The following IRAG2 variants were observed in gnomAD, a reference collection of about 807,000 sequenced individuals.
IRAG2 encodes the protein inositol 1,4,5-triphosphate receptor associated 2, also known as lymphoid restricted membrane protein.
IRAG2 carries 45 observed loss-of-function variants against 69.9 expected under a neutral mutation model. That is an observed-to-expected ratio of 0.64 (90% CI 0.51 to 0.83). The LOEUF (loss-of-function observed/expected upper bound fraction) is 0.83, where lower values mean the gene tolerates loss of function less well. Ranked by LOEUF, IRAG2 falls within the 40% of genes least tolerant of loss-of-function variation. The pLI, the probability that IRAG2 is intolerant of heterozygous loss-of-function variation, is 0.00. For missense variants in IRAG2, 520 were observed against 587.0 expected (o/e 0.89, Z 1.18); for synonymous variants, 193 against 202.4 (o/e 0.95, Z 0.40).
intron 9 of IRAG2, among the ~76,000 whole-genome samples, chr12:25,081,970 C>T (rs546190647): frequency 2.0e-5 from 3 of 152,286 alleles, no homozygotes; most frequent in African/African-American, 7.2e-5. Flanking sequence ...TCATAGCTCA[C>T]TGCAGCCTCA....
chr12:25,066,210 C>T (rs1355291273), intron 4 of IRAG2, among the ~76,000 whole-genome samples, 155 bp from the exon 5 acceptor site: 1 of 152,096 alleles, frequency 6.6e-6, no homozygotes, highest in Non-Finnish European at 1.5e-5. Flanking sequence ...TTTTTACCCT[C>T]TGTGATTAGG....
At chr12:25,046,375 T>A (rs1021668538) in intron 16 of IRAG2, among the ~76,000 whole-genome samples, 4 of 151,496 alleles carry the variant, frequency 2.6e-5, no homozygotes, top group Admixed American at 6.6e-5. Flanking sequence ...GAAAAAAAAA[T>A]AAAAGGCATA....
At chr12:25,009,915 G>C (rs1297343549) in intron 2 of IRAG2, among the ~76,000 whole-genome samples, 1 of 152,192 alleles carries the variant, frequency 6.6e-6, no homozygotes. Context: ...CAACTGGTTG[G>C]ATGAGGCCCA....
At chr12:25,069,529 G>C (rs747640081) in intron 6 of IRAG2, 98 bp downstream of exon 6, 21 of 1,092,730 alleles carry the variant, frequency 1.9e-5, no homozygotes, top group Non-Finnish European at 2.9e-5. Flanking sequence ...TATTTTTTAA[G>C]TATTATGGAT....
At chr12:25,026,727 T>C (rs1447144804) in intron 8 of IRAG2, 4 of 789,198 alleles carry the variant, frequency 5.1e-6, no homozygotes, top group Non-Finnish European at 6.9e-6. Flanking sequence ...AAAGAGACTT[T>C]GTTTGTCCTC....
intron 9 of IRAG2, among the ~76,000 whole-genome samples, chr12:25,027,374 A>G (rs948460391): frequency 6.7e-6 from 1 of 149,010 alleles, no homozygotes; most frequent in African/African-American, 2.5e-5. Flanking sequence ...ATGATATAGC[A>G]TGTATTACTA....
chr12:25,054,440 C>T (rs774748963), intron 1 of IRAG2, among the ~76,000 whole-genome samples: 2 of 152,050 alleles, frequency 1.3e-5, no homozygotes, highest in Non-Finnish European at 2.9e-5. Flanking sequence ...GAATTTGTTC[C>T]CCTTCCTCAC....
upstream of IRAG2, among the ~76,000 whole-genome samples, chr12:25,000,411 C>T (rs571846553): frequency 3.7e-4 from 57 of 152,218 alleles, no homozygotes; most frequent in African/African-American, 1.3e-3. Context: ...TGTGCCACTG[C>T]ACTCCAGCCT....
Position 25,069,417 on chromosome 12 carries a change from G to T in IRAG2, c.10G>T (p.Asp4Tyr). Residue 4 changes from aspartate to tyrosine, a missense_variant, in exon 6 of 22, where the codon GAC becomes TAC. Asp to Tyr is a radical substitution (Grantham distance 160). Coordinates refer to ENST00000556887, the MANE Select transcript of IRAG2 (RefSeq NM_001366544.2). MND[D>Y]PSMEENGVER... ...CTCAGGCTGCATCAGGATGAATGAT[G>T]ACCCAAGTATGGAAGTGAGTGTTGG... 1.2e-6 allele frequency: 2 copies of T among 1,614,072 alleles called. No homozygotes were observed. Among genetic ancestry groups the T allele is most frequent in the Non-Finnish European group, 1.7e-6 (2 of 1,179,946 alleles).
upstream of IRAG2, chr12:25,052,383 G>T (rs562556963): frequency 6.0e-5 from 24 of 398,078 alleles, no homozygotes; most frequent in African/African-American, 2.9e-4. Flanking sequence ...AGATTCAGGG[G>T]ACATCTCCTC....
At chr12:25,054,426 C>T (rs1945095059) in intron 1 of IRAG2, among the ~76,000 whole-genome samples, 1 of 152,168 alleles carries the variant, frequency 6.6e-6, no homozygotes, top group African/African-American at 2.4e-5. Context: ...TTATAAACTA[C>T]TAAGAATTTG....
rs751599968 is a variant in IRAG2 at position 25,079,410 on chromosome 12, A to G, written c.84A>G (p.Ser28=). The change falls in exon 8 of 22, where the codon TCA becomes TCG. Residue 28 remains serine (S), a synonymous_variant. Transcript: ENST00000556887. ...ESLLQSREYS[S]LPLPRHTSST... ...ATCTTTTTGGCAGGGAATATTCCTCACTACCATTACCCAGACACACTTCAT... is the reference window on the plus strand; with the variant it reads ...ATCTTTTTGGCAGGGAATATTCCTCGCTACCATTACCCAGACACACTTCAT... 8.1e-6 allele frequency: 13 copies of G among 1,613,566 alleles called. No homozygotes were observed.
chr12:25,005,750 T>G (rs1414802534), intron 2 of IRAG2, among the ~76,000 whole-genome samples: 1 of 152,246 alleles, frequency 6.6e-6, no homozygotes, highest in Non-Finnish European at 1.5e-5. Flanking sequence ...TAATTTTTAT[T>G]TTTGAGATGT....
chr12:25,003,270 A>G (rs1182394632), upstream of IRAG2, among the ~76,000 whole-genome samples: 1 of 152,238 alleles, frequency 6.6e-6, no homozygotes, highest in Non-Finnish European at 1.5e-5. Context: ...CAGTAATTCC[A>G]TAACTATTCA....
In IRAG2 at chr12:25,019,350, A is replaced by G. The variant is rs565466283; in HGVS notation, c.1215-1440A>G. 2.6e-5 allele frequency among the ~76,000 whole-genome samples: 4 copies of G among 152,282 alleles called. No homozygotes were observed. In the East Asian group the frequency reaches 7.7e-4, roughly 29 times the overall value. On this transcript the variant is annotated intron_variant, in intron 6 of 38. Coordinates refer to the IRAG2 transcript ENST00000636465. Reference sequence around the variant, plus strand: ...ACATCCAGGAAGAATCAGGTCACACAAACTTGAAGGATGGTGAATGTGGAG... The same window carrying G: ...ACATCCAGGAAGAATCAGGTCACACGAACTTGAAGGATGGTGAATGTGGAG...
chr12:25,084,163 G>C (rs2140132971), intron 10 of IRAG2, among the ~76,000 whole-genome samples: 1 of 152,334 alleles, frequency 6.6e-6, no homozygotes, highest in Non-Finnish European at 1.5e-5. Context: ...CGAGGTGGAA[G>C]GATTGCTTGA....
At chr12:25,018,851 G>C (rs778368015) in intron 6 of IRAG2, among the ~76,000 whole-genome samples, 12 of 152,218 alleles carry the variant, frequency 7.9e-5, no homozygotes, top group Admixed American at 1.3e-4. Context: ...ATTAAGCCAC[G>C]TGTCTTTCTC....
intron 14 of IRAG2, chr12:25,036,526 A>G (rs1311231575): frequency 1.5e-5 from 6 of 398,148 alleles, no homozygotes; most frequent in Non-Finnish European, 2.7e-5. Context: ...GTCTCAATGG[A>G]TTCTGATTAT....
At chr12:25,033,763 T>C in intron 12 of IRAG2, 1 of 396,084 alleles carries the variant, frequency 2.5e-6, no homozygotes, top group Non-Finnish European at 4.5e-6. Context: ...GATTGTTTCG[T>C]GATAAATGGA....
Sources: allele counts gnomAD v4.1 joint callset (sites outside exome capture counted in the v4.1 genomes callset), GRCh38; gene constraint gnomAD v4.1.1; transcripts MANE v1.5; gene names NCBI Gene and HGNC (gene_info 2026-07-23, HGNC 2026-07-21).